Variants in DSCAM observed in about 807,000 individuals in gnomAD.
DSCAM encodes cell adhesion molecule DSCAM.
DSCAM carries 47 observed loss-of-function variants against 217.7 expected under a neutral mutation model. That is an observed-to-expected ratio of 0.22 (90% CI 0.17 to 0.28). The LOEUF (loss-of-function observed/expected upper bound fraction) is 0.28, where lower values mean the gene tolerates loss of function less well. Among genes scored for constraint, DSCAM ranks in the 10% least tolerant of loss-of-function variants. The probability of loss-of-function intolerance (pLI) is 1.00; values close to 1 mark genes in which losing one functional copy is unlikely to be tolerated. For synonymous variants in DSCAM, 1,056 were observed against 1,015.3 expected (o/e 1.04, Z -0.76); for missense variants, 2,080 against 2,618.3 (o/e 0.79, Z 4.49).
At chr21:40,254,742 C>A (rs1481806517) in intron 11 of DSCAM, among the ~76,000 whole-genome samples, 3 of 152,052 alleles carry the variant, frequency 2.0e-5, no homozygotes, top group African/African-American at 7.2e-5. Flanking sequence ...TCCTGTACTC[C>A]CCCTATGGCG....
At chr21:40,393,617 A>T (rs963285718) in intron 3 of DSCAM, among the ~76,000 whole-genome samples, 1 of 152,326 alleles carries the variant, frequency 6.6e-6, no homozygotes, top group Non-Finnish European at 1.5e-5. Flanking sequence ...ATCCCACATA[A>T]TTCCATTACC....
chr21:40,588,299 AC>A (rs2076961002), intron 3 of DSCAM, among the ~76,000 whole-genome samples: 1 of 152,208 alleles, frequency 6.6e-6, no homozygotes, highest in Non-Finnish European at 1.5e-5. Flanking sequence ...CATCACAATT[AC>A]TTTTGCACCA....
At chr21:40,090,195 T>A (rs118096847) in intron 21 of DSCAM, among the ~76,000 whole-genome samples, 1,996 of 152,304 alleles carry the variant, frequency 0.013, 23 homozygotes, top group South Asian at 0.034. Context: ...TATTGTTGAT[T>A]TCTCGTTTCT....
chr21:40,219,259 T>C (rs1244908363), intron 11 of DSCAM, among the ~76,000 whole-genome samples: 1 of 152,014 alleles, frequency 6.6e-6, no homozygotes, highest in African/African-American at 2.4e-5. Flanking sequence ...TTTAGTTATG[T>C]TTATGTGATA....
intron 3 of DSCAM, among the ~76,000 whole-genome samples, chr21:40,502,853 G>A (rs900374973): frequency 2.0e-5 from 3 of 152,068 alleles, no homozygotes; most frequent in African/African-American, 7.2e-5. Flanking sequence ...TCATAATTCT[G>A]CCTAACATAT....
intron 6 of DSCAM, among the ~76,000 whole-genome samples, chr21:40,342,682 CCTCT>C (rs985954203): frequency 1.6e-5 from 2 of 121,582 alleles, no homozygotes; most frequent in Admixed American, 1.9e-4. Context: ...TGTCTCTCTC[CCTCT>C]GTTGTCCTTG....
At chr21:40,838,240 G>A (rs1368925382) in intron 1 of DSCAM, among the ~76,000 whole-genome samples, 3 of 152,202 alleles carry the variant, frequency 2.0e-5, no homozygotes, top group African/African-American at 7.2e-5. Context: ...TCATGCTTAT[G>A]AGAAGAATCA....
At chr21:40,564,438 C>G (rs2076749666) in intron 3 of DSCAM, among the ~76,000 whole-genome samples, 1 of 152,144 alleles carries the variant, frequency 6.6e-6, no homozygotes. Context: ...AGGGAAGAGG[C>G]AGTGTTGCTT....
At chr21:40,500,096 C>A (rs2076159380) in intron 3 of DSCAM, among the ~76,000 whole-genome samples, 1 of 152,084 alleles carries the variant, frequency 6.6e-6, no homozygotes, top group Admixed American at 6.6e-5. Flanking sequence ...GAGTACCCTT[C>A]TTTAGGAAGA....
chr21:40,325,602 A>G (rs995144239), intron 8 of DSCAM, among the ~76,000 whole-genome samples: 2 of 152,224 alleles, frequency 1.3e-5, no homozygotes, highest in African/African-American at 2.4e-5. Context: ...AAGCAGGAAG[A>G]AGTAGCAGGA....
intron 3 of DSCAM, among the ~76,000 whole-genome samples, chr21:40,604,317 A>C (rs1431430254): frequency 6.6e-6 from 1 of 152,100 alleles, no homozygotes; most frequent in Non-Finnish European, 1.5e-5. Flanking sequence ...CTGTGCTGAC[A>C]TTATCCATCT....
intron 1 of DSCAM, among the ~76,000 whole-genome samples, chr21:40,761,553 A>G (rs2091335638): frequency 6.6e-6 from 1 of 152,162 alleles, no homozygotes; most frequent in Non-Finnish European, 1.5e-5. Context: ...TCTCAGAAAA[A>G]AAACAACCCT....
intron 3 of DSCAM, among the ~76,000 whole-genome samples, chr21:40,689,652 C>T (rs191667973): frequency 3.7e-4 from 57 of 152,310 alleles, no homozygotes; most frequent in South Asian, 1.4e-3. Flanking sequence ...CTGCAGAGTA[C>T]GAATGCTTCC....
chr21:40,409,456 A>G (rs926098342), intron 3 of DSCAM, among the ~76,000 whole-genome samples: 2 of 152,164 alleles, frequency 1.3e-5, no homozygotes, highest in African/African-American at 2.4e-5. Flanking sequence ...CTGAGTTGAG[A>G]GCACAGTTTC....
At chr21:40,239,005 T>TTA (rs1390005829) in intron 11 of DSCAM, among the ~76,000 whole-genome samples, 1 of 152,170 alleles carries the variant, frequency 6.6e-6, no homozygotes, top group Non-Finnish European at 1.5e-5. Context: ...ACCGTCTAAC[T>TTA]TATGATCTTT....
At chr21:40,341,879 C>T (rs1335248537) in intron 6 of DSCAM, among the ~76,000 whole-genome samples, 1 of 152,136 alleles carries the variant, frequency 6.6e-6, no homozygotes, top group Non-Finnish European at 1.5e-5. Flanking sequence ...ATTTATGTTT[C>T]ATGTCATTTC....
Position 40,824,403 on chromosome 21 carries a change from A to ATTTTTTTTTTTTTTTTTTT in DSCAM, c.43+22215_43+22216insAAAAAAAAAAAAAAAAAAA, listed in dbSNP as rs536114434. On this transcript the variant is annotated intron_variant, in intron 1 of 32. Transcript: ENST00000400454. Reference sequence around the variant, plus strand: ...GCTCCCTATCCCATTTTTATTATTGATTTTTTTTTTTTTTTTTGGAGACAG... The same window carrying ATTTTTTTTTTTTTTTTTTT: ...GCTCCCTATCCCATTTTTATTATTGATTTTTTTTTTTTTTTTTTTTTTTTTTTTTTTTTTTTGGAGACAG... Among the ~76,000 whole-genome samples the ATTTTTTTTTTTTTTTTTTT allele has an allele frequency of 5.8e-4, 70 of 121,004 alleles. 4 individuals carry two copies. Among genetic ancestry groups the ATTTTTTTTTTTTTTTTTTT allele is most frequent in the African/African-American group, 8.0e-4 (23 of 28,724 alleles). The allele number at this position is 121,004 out of a possible 152,430, so 79.4% of individuals were successfully genotyped here.
In DSCAM at chr21:40,173,432, G is replaced by A. The variant is rs116964367; in HGVS notation, c.2947+5495C>T. On this transcript the variant is annotated intron_variant, in intron 15 of 32. Transcript: ENST00000400454. ...GTGTATGAGGGACAGCAAGAAGGCC[G>A]ATAACTTTCTTTAGATTTAATTCCC... Among the ~76,000 whole-genome samples the A allele has an allele frequency of 5.0e-3, 758 of 152,284 alleles. 6 individuals are homozygous for A. Among genetic ancestry groups the A allele is most frequent in the Non-Finnish European group, 5.5e-3 (376 of 68,012 alleles).
rs963778904 is a variant in DSCAM, at chr21:40,225,443, C to T, written c.2357-36205G>A. On this transcript the variant is annotated intron_variant, in intron 11 of 32. Coordinates refer to ENST00000400454, the MANE Select transcript of DSCAM (RefSeq NM_001389.5). ...CATTCATTCCCACTCAAATACTCTA[C>T]AATTTGTAATTTTCCCACCTTCAAC... is the stretch of plus-strand genomic sequence containing the variant. Among the ~76,000 whole-genome samples, 8 of 152,298 alleles carry T rather than the reference C, an allele frequency of 5.3e-5. No homozygotes were observed. The East Asian group carries it at 1.4e-3, about 26-fold the overall frequency.
Sources: allele counts gnomAD v4.1 joint callset (sites outside exome capture counted in the v4.1 genomes callset), GRCh38; gene constraint gnomAD v4.1.1; transcripts MANE v1.5; gene names NCBI Gene and HGNC (gene_info 2026-07-23, HGNC 2026-07-21).